Variants in CERS3 observed in about 807,000 individuals in gnomAD.
CERS3 encodes ceramide synthase 3.
In CERS3, 33 loss-of-function variants were observed where a neutral mutation model predicts 50.3. The observed-to-expected ratio is 0.66, with a 90% CI of 0.50 to 0.88. The LOEUF (loss-of-function observed/expected upper bound fraction) is 0.88. Ranked by LOEUF, CERS3 falls within the 40% of genes least tolerant of loss-of-function variation. The pLI is 0.00. For missense variants in CERS3, 470 were observed against 460.3 expected, an observed-to-expected ratio of 1.02 and a Z score of -0.19; for synonymous variants, 176 against 155.2, an observed-to-expected ratio of 1.13 and a Z score of -0.99.
chr15:100,532,553 T>A (rs980282117), upstream of CERS3, among the ~76,000 whole-genome samples: 36 of 151,530 alleles, frequency 2.4e-4, no homozygotes, highest in African/African-American at 8.3e-4. Context: ...ATTGCTTGCG[T>A]CCAAGAGTTC....
chr15:100,503,322 G>C (rs1045376390), intron 2 of CERS3, among the ~76,000 whole-genome samples: 3 of 152,098 alleles, frequency 2.0e-5, no homozygotes, highest in Non-Finnish European at 2.9e-5. Context: ...GGATTGCCCT[G>C]GCATAATCAG....
At chr15:100,538,134 G>A (rs1166280104) in intron 1 of CERS3, among the ~76,000 whole-genome samples, 1 of 152,228 alleles carries the variant, frequency 6.6e-6, no homozygotes, top group Non-Finnish European at 1.5e-5. Context: ...GTGGTTTCCT[G>A]TCATTTTGGC....
At chr15:100,417,690 C>G (rs1264756685) in intron 11 of CERS3, among the ~76,000 whole-genome samples, 1 of 151,968 alleles carries the variant, frequency 6.6e-6, no homozygotes, top group Non-Finnish European at 1.5e-5. Flanking sequence ...TGTCTGACAG[C>G]TTTGAAGAGA....
At chr15:100,495,974 T>C (rs2035800036) in intron 3 of CERS3, among the ~76,000 whole-genome samples, 1 of 152,226 alleles carries the variant, frequency 6.6e-6, no homozygotes, top group Non-Finnish European at 1.5e-5. Context: ...CTATTTTCTG[T>C]TTTTCTAGTT....
intron 11 of CERS3, among the ~76,000 whole-genome samples, chr15:100,436,370 G>C (rs2033403065): frequency 6.6e-6 from 1 of 152,148 alleles, no homozygotes; most frequent in South Asian, 2.1e-4. Context: ...ACTAACACAA[G>C]AACAGAAAAC....
At chr15:100,521,861 C>T (rs371155199) in intron 1 of CERS3, 105 bp from the exon 2 acceptor site, 6 of 152,164 alleles carry the variant, frequency 3.9e-5, no homozygotes, top group East Asian at 1.9e-4. Context: ...TTCAAACCAA[C>T]GGGAGAGCTT....
intron 10 of CERS3, 102 bp from the exon 11 acceptor site, chr15:100,456,148 C>A: frequency 4.0e-6 from 3 of 754,000 alleles, no homozygotes; most frequent in South Asian, 4.1e-5. Flanking sequence ...ACATGTATTT[C>A]GTTTCTAATA....
intron 11 of CERS3, among the ~76,000 whole-genome samples, chr15:100,434,931 C>G (rs905635713): frequency 1.3e-5 from 2 of 151,930 alleles, no homozygotes; most frequent in African/African-American, 4.8e-5. Flanking sequence ...CAAGGGATGT[C>G]AGAGTTTCTT....
chr15:100,469,432 A>C lies in CERS3; in HGVS notation c.791T>G (p.Phe264Cys). 1 of 1,614,138 alleles carries C rather than the reference A, an allele frequency of 6.2e-7. No individual in the cohort carries two copies. Among genetic ancestry groups the C allele is most frequent in the Non-Finnish European group, 8.5e-7 (1 of 1,179,976 alleles). ...GAAAAATATGGTGGAGAAGATGAAA[A>C]ACAGGGTGTTACAGGTCTGCGTCCA... ...AGWTQTCNTL[F>C]FIFSTIFFIS... The change falls in exon 10 of 12, where the codon TTT becomes TGT. Residue 264 changes from phenylalanine to cysteine, a missense_variant. Transcript: ENST00000679737.
At chr15:100,494,965 T>C (rs907278578) in intron 3 of CERS3, among the ~76,000 whole-genome samples, 2 of 152,250 alleles carry the variant, frequency 1.3e-5, no homozygotes, top group African/African-American at 4.8e-5. Context: ...CATTTTATTG[T>C]TTGCCCTAAT....
At chr15:100,443,010 A>G (rs961172126) in intron 11 of CERS3, among the ~76,000 whole-genome samples, 515 of 151,348 alleles carry the variant, frequency 3.4e-3, no homozygotes, top group African/African-American at 0.012. Context: ...TCTTTTAAGC[A>G]CTCCTTTTTA....
At chr15:100,435,452 C>T (rs1283919511) in intron 11 of CERS3, among the ~76,000 whole-genome samples, 1 of 152,134 alleles carries the variant, frequency 6.6e-6, no homozygotes, top group Non-Finnish European at 1.5e-5. Flanking sequence ...CCCTTCCTTA[C>T]ACCTTATACA....
chr15:100,470,772 T>C (rs1226885440), intron 9 of CERS3, among the ~76,000 whole-genome samples: 1 of 152,118 alleles, frequency 6.6e-6, no homozygotes, highest in African/African-American at 2.4e-5. Flanking sequence ...TGTGGAAACT[T>C]AGAGGATCAG....
rs1201554318 is a variant in CERS3 at position 100,402,521 on chromosome 15, A to G, written c.*192T>C. ...AGTCTGAGTCCTAACTGCAGTAAAA[A>G]TCCATGGGCATGCTTATATTTAACA... On this transcript the variant is annotated 3_prime_UTR_variant, in exon 12 of 12. Transcript: ENST00000679737. 5.1e-6 allele frequency: 3 copies of G among 588,086 alleles called. No individual in the cohort carries two copies. Among genetic ancestry groups the G allele is most frequent in the South Asian group, 2.2e-5 (1 of 46,430 alleles). The allele number at this position is 588,086 out of a possible 1,614,324, so 36.4% of individuals were successfully genotyped here.
Position 100,455,953 on chromosome 15 carries a change from G to C in CERS3, c.939C>G (p.Val313=). The change falls in exon 11 of 12, where the codon GTC becomes GTG. Residue 313 remains valine, a synonymous_variant. Coordinates refer to ENST00000679737, the MANE Select transcript of CERS3 (RefSeq NM_001378789.1). ...TGTAATAACCCCAGTAAAGGTGAAG[G>C]ACCTGCAAGATCATGAGCTGTAGGT... The part of the protein sequence containing the change: ...FLNLQLMILQ[V]LHLYWGYYIL... 1 of 1,612,970 alleles carries C rather than the reference G, an allele frequency of 6.2e-7. No individual in the cohort carries two copies. Among genetic ancestry groups the C allele is most frequent in the Non-Finnish European group, 8.5e-7 (1 of 1,179,168 alleles).
intron 11 of CERS3, among the ~76,000 whole-genome samples, chr15:100,404,272 G>T (rs2030804961): frequency 6.6e-6 from 1 of 152,196 alleles, no homozygotes; most frequent in Non-Finnish European, 1.5e-5. Context: ...CACCAAATTT[G>T]TAGAAATTTG....
intron 11 of CERS3, among the ~76,000 whole-genome samples, chr15:100,409,973 G>T (rs2031349847): frequency 6.6e-6 from 1 of 152,184 alleles, no homozygotes; most frequent in Admixed American, 6.5e-5. Flanking sequence ...CCTGTCATCT[G>T]CCAGAGTGAC....
chr15:100,473,629 TA>T (rs990897821), intron 8 of CERS3, among the ~76,000 whole-genome samples: 24 of 152,178 alleles, frequency 1.6e-4, no homozygotes, highest in African/African-American at 5.3e-4. Flanking sequence ...ATGGCTATAA[TA>T]AAAAAGATGA....
At chr15:100,468,152 A>G (rs2142233156) in intron 10 of CERS3, among the ~76,000 whole-genome samples, 1 of 152,282 alleles carries the variant, frequency 6.6e-6, no homozygotes, top group Admixed American at 6.5e-5. Flanking sequence ...AAATTCTGAG[A>G]TACTCATTAA....
Sources: gnomAD v4.1 joint callset for allele counts (sites outside exome capture counted in the v4.1 genomes callset) on GRCh38, gnomAD v4.1.1 for gene constraint, MANE v1.5 for transcripts, NCBI Gene and HGNC (gene_info 2026-07-23, HGNC 2026-07-21) for gene names.